CLNK: variants seen among roughly 807,000 people sequenced by gnomAD.
CLNK encodes cytokine dependent hematopoietic cell linker, also known as cytokine-dependent hematopoietic cell linker.
Under a neutral mutation model 68.6 loss-of-function variants are expected in CLNK, and 74 were observed. That is an observed-to-expected ratio of 1.08 (90% CI 0.89 to 1.31). The LOEUF is 1.31. Ranked by LOEUF, CLNK falls within the 50% of genes most tolerant of loss-of-function variation. CLNK has a pLI of 0.00. For synonymous variants in CLNK, 198 were observed against 172.2 expected, an observed-to-expected ratio of 1.15 and a Z score of -1.17; for missense variants, 553 against 515.3, an observed-to-expected ratio of 1.07 and a Z score of -0.71.
chr4:10,606,795 T>C (rs1252680589), intron 2 of CLNK, among the ~76,000 whole-genome samples: 3 of 152,176 alleles, frequency 2.0e-5, no homozygotes, highest in Non-Finnish European at 2.9e-5. Flanking sequence ...TATCTATATA[T>C]ACACACACAC....
intron 2 of CLNK, among the ~76,000 whole-genome samples, chr4:10,626,105 C>G (rs1212483463): frequency 2.0e-5 from 3 of 152,206 alleles, no homozygotes; most frequent in African/African-American, 7.2e-5. Context: ...CCAGGTCTCC[C>G]TGGCTGGGGC....
intron 11 of CLNK, among the ~76,000 whole-genome samples, chr4:10,537,643 C>CTT (rs1560206801): frequency 2.0e-5 from 1 of 51,210 alleles, no homozygotes; most frequent in East Asian, 5.8e-4. Context: ...CTTTCTCTTT[C>CTT]TTTCTTTCTT....
chr4:10,498,359 G>T (rs193054756), intron 18 of CLNK, among the ~76,000 whole-genome samples: 22 of 152,238 alleles, frequency 1.4e-4, no homozygotes, highest in African/African-American at 4.8e-4. Flanking sequence ...GGGCGTGGTG[G>T]TGGGCGCCTG....
chr4:10,580,507 C>A (rs978590249), intron 4 of CLNK, among the ~76,000 whole-genome samples: 2 of 152,082 alleles, frequency 1.3e-5, no homozygotes, highest in African/African-American at 4.8e-5. Flanking sequence ...CGTATCATTG[C>A]CCCTGAAGAC....
At chr4:10,601,773 C>T (rs957544813) in intron 2 of CLNK, among the ~76,000 whole-genome samples, 2 of 152,214 alleles carry the variant, frequency 1.3e-5, no homozygotes, top group African/African-American at 2.4e-5. Context: ...TTCCTGTCCA[C>T]TCAGCCCATC....
intron 4 of CLNK, among the ~76,000 whole-genome samples, chr4:10,573,517 A>T (rs1318566909): frequency 1.3e-5 from 2 of 152,250 alleles, no homozygotes; most frequent in East Asian, 3.9e-4. Context: ...AGCCCTTTAG[A>T]GCAGCAATTT....
intron 17 of CLNK, among the ~76,000 whole-genome samples, chr4:10,506,206 T>A: frequency 6.6e-6 from 1 of 152,352 alleles, no homozygotes; most frequent in South Asian, 2.1e-4. Context: ...AGTTCTTTTC[T>A]CCTTTTGGCC....
the CLNK span, among the ~76,000 whole-genome samples, chr4:10,728,606 T>G: frequency 2.4e-5 from 2 of 84,522 alleles, no homozygotes; most frequent in African/African-American, 4.0e-5. Context: ...CTTTCTTTCT[T>G]TTTTTTTTTT....
chr4:10,675,024 G>T (rs1473887521), intron 1 of CLNK, among the ~76,000 whole-genome samples: 1 of 152,090 alleles, frequency 6.6e-6, no homozygotes, highest in Non-Finnish European at 1.5e-5. Flanking sequence ...TACCTAATTA[G>T]GACAAAGCAT....
chr4:10,722,765 G>A, the CLNK span, among the ~76,000 whole-genome samples: 8 of 152,190 alleles, frequency 5.3e-5, no homozygotes, highest in Admixed American at 4.6e-4. Flanking sequence ...ATACTCTCTA[G>A]ACGGCAGGGC....
intron 5 of CLNK, 107 bp downstream of exon 5, chr4:10,571,634 C>T: frequency 2.2e-6 from 2 of 904,996 alleles, no homozygotes; most frequent in Non-Finnish European, 3.5e-6. Context: ...CTGCACGCAG[C>T]CTGTTACTGT....
At chr4:10,707,380 G>C in the CLNK span, among the ~76,000 whole-genome samples, 7 of 152,268 alleles carry the variant, frequency 4.6e-5, no homozygotes, top group Middle Eastern at 3.4e-3. Context: ...TCAATCAATT[G>C]CCAGTAAGAA....
intron 8 of CLNK, among the ~76,000 whole-genome samples, chr4:10,545,265 G>A (rs1392627649): frequency 6.6e-6 from 1 of 152,164 alleles, no homozygotes; most frequent in Non-Finnish European, 1.5e-5. Flanking sequence ...CTTCCAAGAT[G>A]CAATTGTGGG....
intron 2 of CLNK, among the ~76,000 whole-genome samples, chr4:10,666,572 C>T (rs890925902): frequency 5.9e-5 from 9 of 152,212 alleles, no homozygotes; most frequent in African/African-American, 2.2e-4. Context: ...CATCTCAATG[C>T]TCTGAGCCAT....
intron 13 of CLNK, among the ~76,000 whole-genome samples, chr4:10,526,312 A>G (rs1718317220): frequency 6.6e-6 from 1 of 152,212 alleles, no homozygotes; most frequent in African/African-American, 2.4e-5. Flanking sequence ...CTATGGGACA[A>G]GTACTCTGCC....
At chr4:10,612,780 A>G (rs577272332) in intron 2 of CLNK, among the ~76,000 whole-genome samples, 1 of 152,342 alleles carries the variant, frequency 6.6e-6, no homozygotes, top group African/African-American at 2.4e-5. Flanking sequence ...CAAACCCAGG[A>G]AGCCAGGGTT....
At chr4:10,628,295 C>T (rs1722754325) in intron 2 of CLNK, among the ~76,000 whole-genome samples, 1 of 143,762 alleles carries the variant, frequency 7.0e-6, no homozygotes, top group Non-Finnish European at 1.5e-5. Flanking sequence ...CCTTAAAAGG[C>T]TTGTTTAGTT....
In CLNK at chr4:10,536,123, A is replaced by T. The variant is rs74708988; in HGVS notation, c.603-3840T>A. 3.9e-5 allele frequency among the ~76,000 whole-genome samples: 6 copies of T among 152,316 alleles called. No homozygotes were observed. In the East Asian group the frequency reaches 1.2e-3, roughly 29 times the overall value. On this transcript the variant is annotated intron_variant, in intron 11 of 18. Coordinates refer to ENST00000226951, the MANE Select transcript of CLNK (RefSeq NM_052964.4). ...CACAATAGCTGGAACCACAAAGACC[A>T]TCCAGGGTGAGCACAGCCCACTGCA...
chr4:10,490,551 A>G lies in CLNK; in HGVS notation c.1203T>C (p.Asp401=), dbSNP rs780658350. 1 of 1,602,426 alleles carries G rather than the reference A, an allele frequency of 6.2e-7. No homozygotes were observed. The highest frequency in any genetic ancestry group is 8.5e-7 in the Non-Finnish European group (1 of 1,174,180). The change falls in exon 19 of 19, where the codon GAT becomes GAC. Residue 401 remains aspartate (D), a synonymous_variant. Transcript: ENST00000226951. ...HYKNFPIILI[D]GKDKTGVHRK... ...TGTGGACCCCAGTTTTATCTTTCCC[A>G]TCAATTAGTATAATGGGAAAATTCT...
Sources: allele counts gnomAD v4.1 joint callset (sites outside exome capture counted in the v4.1 genomes callset), GRCh38; gene constraint gnomAD v4.1.1; transcripts MANE v1.5; gene names NCBI Gene and HGNC (gene_info 2026-07-23, HGNC 2026-07-21).